The following EYS variants were observed in gnomAD, a reference collection of about 807,000 sequenced individuals.
The protein encoded by EYS is EGF-like photoreceptor maintenance factor.
Under a neutral mutation model 282.1 loss-of-function variants are expected in EYS, and 250 were observed. That is an observed-to-expected ratio of 0.89 (90% confidence interval 0.80 to 0.98). The LOEUF (loss-of-function observed/expected upper bound fraction) is 0.98. Ranked by LOEUF, EYS falls within the 50% of genes least tolerant of loss-of-function variation. EYS has a pLI of 0.00. For missense variants in EYS, 4,016 were observed against 3,709.0 expected (o/e 1.08, Z -2.15); for synonymous variants, 1,355 against 1,282.9 (o/e 1.06, Z -1.20).
intron 16 of EYS, among the ~76,000 whole-genome samples, chr6:64,908,446 G>T (rs1175972166): frequency 2.0e-5 from 3 of 152,154 alleles, no homozygotes; most frequent in African/African-American, 7.2e-5. Flanking sequence ...CGTCACATGG[G>T]GTGGCTGCCC....
chr6:64,325,002 G>A (rs577057924), intron 29 of EYS, among the ~76,000 whole-genome samples: 21 of 152,300 alleles, frequency 1.4e-4, no homozygotes, highest in African/African-American at 4.3e-4. Context: ...ATGCTCATGG[G>A]TTGGAGGAAT....
At chr6:65,514,871 T>C (rs1248251269) in intron 2 of EYS, among the ~76,000 whole-genome samples, 4 of 152,164 alleles carry the variant, frequency 2.6e-5, no homozygotes, top group Non-Finnish European at 4.4e-5. Flanking sequence ...ATTTAGGACA[T>C]AGGCATGGGC....
chr6:65,373,712 G>A (rs1765249709), intron 8 of EYS, among the ~76,000 whole-genome samples: 1 of 151,678 alleles, frequency 6.6e-6, no homozygotes, highest in African/African-American at 2.4e-5. Context: ...TTTATTATAT[G>A]GATACACTAT....
At chr6:65,370,980 C>T (rs1245011694) in intron 8 of EYS, among the ~76,000 whole-genome samples, 1 of 151,386 alleles carries the variant, frequency 6.6e-6, no homozygotes, top group African/African-American at 2.4e-5. Flanking sequence ...ACTGGGAAGC[C>T]AGATGGCAAT....
intron 7 of EYS, among the ~76,000 whole-genome samples, chr6:65,392,459 T>G: frequency 6.6e-6 from 1 of 151,990 alleles, no homozygotes; most frequent in East Asian, 1.9e-4. Context: ...TACAATGAAC[T>G]CAAACAAATT....
intron 29 of EYS, among the ~76,000 whole-genome samples, chr6:64,382,436 A>G (rs1772778278): frequency 6.6e-6 from 1 of 152,100 alleles, no homozygotes; most frequent in Non-Finnish European, 1.5e-5. Context: ...TTTCTTCTCA[A>G]TCTTCCCCAT....
At chr6:65,652,845 C>A (rs572341343) in intron 1 of EYS, among the ~76,000 whole-genome samples, 1 of 152,086 alleles carries the variant, frequency 6.6e-6, no homozygotes, top group Non-Finnish European at 1.5e-5. Context: ...TAAATAACTA[C>A]ATTTTGAATC....
chr6:65,466,282 T>A (rs1764995916), intron 5 of EYS, among the ~76,000 whole-genome samples: 1 of 152,222 alleles, frequency 6.6e-6, no homozygotes, highest in Middle Eastern at 3.4e-3. Context: ...ATATACTGTT[T>A]TTATTAAGGG....
intron 19 of EYS, among the ~76,000 whole-genome samples, chr6:64,884,854 T>C (rs1767038799): frequency 6.6e-6 from 1 of 151,698 alleles, no homozygotes; most frequent in South Asian, 2.1e-4. Flanking sequence ...TTTAATTTCT[T>C]ATCTTCCACT....
chr6:64,992,319 A>C (rs1771091631), intron 14 of EYS, among the ~76,000 whole-genome samples: 1 of 151,852 alleles, frequency 6.6e-6, no homozygotes, highest in African/African-American at 2.4e-5. Context: ...GCTAGTTGTG[A>C]ATCATAGAAC....
intron 13 of EYS, among the ~76,000 whole-genome samples, chr6:65,016,406 C>T (rs1474046051): frequency 2.6e-5 from 4 of 152,154 alleles, no homozygotes; most frequent in Admixed American, 2.0e-4. Context: ...AAATGCTAAG[C>T]ATGTCTTCAT....
intron 2 of EYS, among the ~76,000 whole-genome samples, chr6:65,585,056 T>C (rs1347018232): frequency 6.6e-6 from 1 of 151,818 alleles, no homozygotes; most frequent in Admixed American, 6.6e-5. Context: ...TCCATTGTTA[T>C]TTGCTTTACT....
At position 64,474,346 on chromosome 6, in the gene EYS, G is replaced by A. The variant is rs1342453944; in HGVS notation, c.5645-34994C>T. ...ATTACACATATGTGATACCATGGGG[G>A]GTTATTTCCCTGTTCTAGAAACAGG... On this transcript the variant is annotated intron_variant, in intron 26 of 42. Coordinates refer to ENST00000503581, the MANE Select transcript of EYS (RefSeq NM_001142800.2). Among the ~76,000 whole-genome samples, 6 of 152,090 alleles carry A rather than the reference G, an allele frequency of 3.9e-5. No homozygotes were observed. In the East Asian group the frequency reaches 7.7e-4, roughly 20 times the overall value.
At chr6:64,650,004 T>G (rs2149877546) in intron 22 of EYS, among the ~76,000 whole-genome samples, 1 of 152,192 alleles carries the variant, frequency 6.6e-6, no homozygotes, top group South Asian at 2.1e-4. Context: ...TAGAACAAAT[T>G]TTAAAATCCA....
intron 39 of EYS, among the ~76,000 whole-genome samples, chr6:63,784,387 C>T (rs951056133): frequency 6.6e-6 from 1 of 152,120 alleles, no homozygotes; most frequent in African/African-American, 2.4e-5. Flanking sequence ...AGAAAAAATA[C>T]ATGGGTTTTG....
intron 5 of EYS, among the ~76,000 whole-genome samples, chr6:65,407,953 G>A (rs1413839943): frequency 6.6e-6 from 1 of 151,952 alleles, no homozygotes; most frequent in Non-Finnish European, 1.5e-5. Flanking sequence ...ATCAGGCTGA[G>A]GGATTGTGTT....
At chr6:64,300,731 T>C (rs943440394) in intron 30 of EYS, among the ~76,000 whole-genome samples, 2 of 152,220 alleles carry the variant, frequency 1.3e-5, no homozygotes, top group African/African-American at 4.8e-5. Context: ...CAACAGGGCC[T>C]TCCCTCCACC....
At chr6:65,532,185 A>G (rs1017903766) in intron 2 of EYS, among the ~76,000 whole-genome samples, 2 of 152,146 alleles carry the variant, frequency 1.3e-5, no homozygotes, top group African/African-American at 2.4e-5. Flanking sequence ...TAAATTATAT[A>G]TAATCATATG....
At chr6:64,660,276 T>G (rs1432664208) in intron 22 of EYS, among the ~76,000 whole-genome samples, 3,042 of 101,572 alleles carry the variant, frequency 0.03, no homozygotes, top group South Asian at 0.037. Flanking sequence ...CCACAGCCAA[T>G]ATCATACTGA....
Sources: allele counts gnomAD v4.1 joint callset (sites outside exome capture counted in the v4.1 genomes callset), GRCh38; gene constraint gnomAD v4.1.1; transcripts MANE v1.5; gene names NCBI Gene and HGNC (gene_info 2026-07-23, HGNC 2026-07-21).